NPAS3: variants seen among roughly 807,000 people sequenced by gnomAD.
The protein encoded by NPAS3 is neuronal PAS domain protein 3.
In NPAS3, 14 loss-of-function variants were observed where a neutral mutation model predicts 73.1. That is an observed-to-expected ratio of 0.19 (90% CI 0.13 to 0.30). The LOEUF (loss-of-function observed/expected upper bound fraction) is 0.30. NPAS3 is among the 10% of genes least tolerant of loss of function. The pLI, the probability that NPAS3 is intolerant of heterozygous loss-of-function variation, is 1.00. For synonymous variants in NPAS3, 620 were observed against 541.5 expected (o/e 1.14, Z -2.01); for missense variants, 1,096 against 1,250.0 (o/e 0.88, Z 1.86).
intron 5 of NPAS3, among the ~76,000 whole-genome samples, chr14:33,663,530 T>C (rs1595386928): frequency 6.6e-6 from 1 of 152,190 alleles, no homozygotes; most frequent in East Asian, 1.9e-4. Context: ...AAATTTTCTT[T>C]TTTTGTTGTG....
chr14:33,801,162 G>GATTTTT, downstream of NPAS3: 1 of 1,532,632 alleles, frequency 6.5e-7, no homozygotes, highest in Non-Finnish European at 8.7e-7. Flanking sequence ...GGCATCGTCG[G>GATTTTT]CATTTTCGTT....
At position 33,200,204 on chromosome 14, in the gene NPAS3, A is replaced by G. The variant is rs113269834; in HGVS notation, c.141-14978A>G. 8.2e-3 allele frequency among the ~76,000 whole-genome samples: 1,242 copies of G among 151,432 alleles called. 22 individuals carry two copies. Among genetic ancestry groups the G allele is most frequent in the African/African-American group, 0.029 (1,183 of 41,316 alleles). On this transcript the variant is annotated intron_variant, in intron 2 of 11. Coordinates refer to ENST00000356141, the Ensembl canonical transcript of NPAS3. ...GCAAAAGTAACTGGTTTTTGCCATT[A>G]CTTGCAATTGCAAAAACCGCAGTTA... is the stretch of plus-strand genomic sequence containing the variant.
At chr14:33,200,551 AG>A (rs1436998047) in intron 2 of NPAS3, among the ~76,000 whole-genome samples, 1 of 148,504 alleles carries the variant, frequency 6.7e-6, no homozygotes, top group African/African-American at 2.4e-5. Flanking sequence ...CTCCCAGCAA[AG>A]GTTATTATTG....
chr14:33,530,627 T>C (rs2053997796), intron 4 of NPAS3, among the ~76,000 whole-genome samples: 1 of 152,120 alleles, frequency 6.6e-6, no homozygotes, highest in Non-Finnish European at 1.5e-5. Context: ...TTTTCATTAC[T>C]AAGAAGCAGG....
intron 3 of NPAS3, among the ~76,000 whole-genome samples, chr14:33,280,782 G>A (rs536911559): frequency 1.4e-3 from 206 of 152,256 alleles, no homozygotes; most frequent in Admixed American, 2.9e-3. Flanking sequence ...TATTGGTAAC[G>A]CAGCTAGTCC....
chr14:33,146,926 G>T (rs1188031149), intron 2 of NPAS3, among the ~76,000 whole-genome samples: 1 of 152,154 alleles, frequency 6.6e-6, no homozygotes, highest in African/African-American at 2.4e-5. Context: ...AATTTTTGCT[G>T]TACCAAGGGA....
At chr14:33,574,554 A>G (rs1254048077) in intron 5 of NPAS3, among the ~76,000 whole-genome samples, 2 of 152,030 alleles carry the variant, frequency 1.3e-5, no homozygotes, top group Admixed American at 6.5e-5. Context: ...TCTTCCAAGC[A>G]GTTTGGTGGC....
intron 3 of NPAS3, among the ~76,000 whole-genome samples, chr14:33,319,194 G>A (rs1422667110): frequency 1.3e-5 from 2 of 151,792 alleles, no homozygotes; most frequent in African/African-American, 2.4e-5. Context: ...GTGGTAGCTG[G>A]CTTTCACCAG....
chr14:33,657,132 T>C (rs1207929853), intron 5 of NPAS3, among the ~76,000 whole-genome samples: 2 of 152,196 alleles, frequency 1.3e-5, no homozygotes, highest in African/African-American at 4.8e-5. Context: ...AATACTTCTA[T>C]GTGAAAGCTA....
intron 3 of NPAS3, among the ~76,000 whole-genome samples, chr14:33,228,524 T>G (rs1446113349): frequency 6.6e-6 from 1 of 152,228 alleles, no homozygotes. Context: ...TATAATCTTA[T>G]AGTAGGTTTT....
At chr14:33,086,391 A>G (rs1322596686) in intron 2 of NPAS3, among the ~76,000 whole-genome samples, 3 of 152,152 alleles carry the variant, frequency 2.0e-5, no homozygotes, top group South Asian at 2.1e-4. Flanking sequence ...GTTTATTTAT[A>G]TAAGATTATT....
At chr14:33,307,848 A>G (rs561511969) in intron 3 of NPAS3, among the ~76,000 whole-genome samples, 7 of 152,230 alleles carry the variant, frequency 4.6e-5, no homozygotes, top group African/African-American at 1.7e-4. Context: ...CGCTCCGAAT[A>G]TCCCCATGGT....
At chr14:33,770,897 C>G (rs2062629303) in intron 7 of NPAS3, among the ~76,000 whole-genome samples, 1 of 152,190 alleles carries the variant, frequency 6.6e-6, no homozygotes. Context: ...GAGTAAGACT[C>G]CATCTCAAAA....
intron 4 of NPAS3, among the ~76,000 whole-genome samples, chr14:33,544,812 GTATATATAATATA>G: frequency 1.2e-5 from 1 of 86,248 alleles, no homozygotes; most frequent in East Asian, 3.2e-4. Context: ...ATATATATAT[GTATATATAATATA>G]TATGTGTATA....
intron 6 of NPAS3, among the ~76,000 whole-genome samples, chr14:33,720,362 C>A (rs1388186295): frequency 6.6e-6 from 1 of 152,078 alleles, no homozygotes; most frequent in South Asian, 2.1e-4. Context: ...AAAAGTTGCT[C>A]ATTAAGGGAA....
intron 4 of NPAS3, among the ~76,000 whole-genome samples, chr14:33,439,401 A>T (rs1367973445): frequency 6.6e-6 from 1 of 152,222 alleles, no homozygotes; most frequent in Non-Finnish European, 1.5e-5. Context: ...ACACACAAGA[A>T]AAAGGCCTGA....
chr14:33,424,277 T>G (rs1275944280), intron 4 of NPAS3, among the ~76,000 whole-genome samples: 2 of 151,962 alleles, frequency 1.3e-5, no homozygotes, highest in East Asian at 3.9e-4. Context: ...GGCTTAGACT[T>G]AAAAGAAGGC....
At chr14:33,314,174 G>T (rs2043116639) in intron 3 of NPAS3, among the ~76,000 whole-genome samples, 1 of 151,956 alleles carries the variant, frequency 6.6e-6, no homozygotes, top group Non-Finnish European at 1.5e-5. Context: ...AATCCAAAGG[G>T]TTTGTCCAAA....
chr14:33,077,138 T>C (rs923966614), intron 2 of NPAS3, among the ~76,000 whole-genome samples: 2 of 152,110 alleles, frequency 1.3e-5, no homozygotes, highest in Admixed American at 6.5e-5. Context: ...AGGTCAATTA[T>C]AGAATACCTA....
Sources: allele counts gnomAD v4.1 joint callset (sites outside exome capture counted in the v4.1 genomes callset), GRCh38; gene constraint gnomAD v4.1.1; transcripts MANE v1.5; gene names NCBI Gene and HGNC (gene_info 2026-07-23, HGNC 2026-07-21).